The following ZNF282 variants were observed in gnomAD, a reference collection of about 807,000 sequenced individuals.
ZNF282 encodes the protein HTLV-I U5 repressive element-binding protein 1.
ZNF282 carries 30 observed loss-of-function variants against 61.9 expected under a neutral mutation model. The ratio of observed to expected loss-of-function variants is 0.48; its 90% confidence interval spans 0.36 to 0.66. ZNF282 has a LOEUF of 0.66. ZNF282 is among the 30% of genes least tolerant of loss of function. The probability of loss-of-function intolerance (pLI) is 0.00; values close to 1 mark genes in which losing one functional copy is unlikely to be tolerated. For missense variants in ZNF282, 788 were observed against 941.4 expected (o/e 0.84, Z 2.13); for synonymous variants, 396 against 405.0 (o/e 0.98, Z 0.27).
chr7:149,204,365 A>G (rs1018877637), intron 2 of ZNF282, among the ~76,000 whole-genome samples: 2 of 152,184 alleles, frequency 1.3e-5, no homozygotes, highest in Admixed American at 1.3e-4. Context: ...TAAAGAATGC[A>G]TAGATGGTGA....
rs973104910 is a variant in ZNF282 at position 149,223,948 on chromosome 7, G to A, written c.1317G>A (p.Pro439=). The A allele has an allele frequency of 2.3e-6, 3 of 1,310,272 alleles. No individual in the cohort carries two copies. The highest frequency in any genetic ancestry group is 1.5e-5 in the African/African-American group (1 of 64,614). The allele number at this position is 1,310,272 out of a possible 1,614,324, so 81.2% of individuals were successfully genotyped here. A position where few individuals can be genotyped will look rare whatever the true frequency, so the allele number is the denominator to read the frequency against. ...CCCCCATCGCGGTGGCCGAGAACCC[G>A]GGCGGCCCCCCGAGCCGAGGGCTGC... is the stretch of plus-strand genomic sequence containing the variant. ...SLPPIAVAEN[P]GGPPSRGLLD... Residue 439 remains proline, a synonymous_variant, in exon 8 of 8, where the codon CCG becomes CCA. Coordinates refer to ENST00000610704, the MANE Select transcript of ZNF282 (RefSeq NM_003575.4).
chr7:149,224,000 G>C lies in ZNF282; in HGVS notation c.1369G>C (p.Gly457Arg). ...GGACGACGGTTTCCAGGTGCTGCCC[G>C]GGGAGCGTGGCTCCGGCGAGGCGCC... is the stretch of plus-strand genomic sequence containing the variant. ...LLDDGFQVLP[G>R]ERGSGEAPPG... Residue 457 changes from glycine (G) to arginine (R), a missense_variant, in exon 8 of 8, where the codon GGG becomes CGG. This residue lies in a region of ZNF282 where 559 missense variants were observed against 642.0 expected (regional missense o/e 0.87). Transcript: ENST00000610704. The C allele has an allele frequency of 8.0e-7, 1 of 1,244,260 alleles. No homozygotes were observed. Among genetic ancestry groups the C allele is most frequent in the Non-Finnish European group, 1.0e-6 (1 of 993,882 alleles). The allele number at this position is 1,244,260 out of a possible 1,614,324, so 77.1% of individuals were successfully genotyped here.
In ZNF282 at chr7:149,210,705, G is replaced by A. The variant is rs777201885; in HGVS notation, c.952+1G>A. On this transcript the variant is annotated splice_donor_variant, in intron 5 of 7. Transcript: ENST00000610704. LOFTEE classifies it high-confidence loss of function. ...GCCATCCCTACGGAATCCATTACCG[G>A]TGAGTGAGCCAAGCAGCCGTCCACA... 1.3e-6 allele frequency: 2 copies of A among 1,587,112 alleles called. No individual in the cohort carries two copies. Among genetic ancestry groups the A allele is most frequent in the Non-Finnish European group, 1.7e-6 (2 of 1,167,442 alleles).
intron 1 of ZNF282, among the ~76,000 whole-genome samples, chr7:149,197,547 A>G (rs2129522959): frequency 6.6e-6 from 1 of 152,222 alleles, no homozygotes; most frequent in East Asian, 1.9e-4. Context: ...ATCTCGGCTC[A>G]CTGCAACCTC....
chr7:149,210,551 A>G (rs777295368), intron 4 of ZNF282, 34 bp from the exon 5 acceptor site: 1 of 1,603,104 alleles, frequency 6.2e-7, no homozygotes, highest in East Asian at 2.2e-5. Flanking sequence ...CTGCAGAAAA[A>G]AAGACACAAA....
intron 6 of ZNF282, 56 bp from the exon 7 acceptor site, chr7:149,213,644 TG>T: frequency 5.9e-6 from 8 of 1,358,958 alleles, no homozygotes; most frequent in Non-Finnish European, 8.3e-6. Flanking sequence ...AAACCTTTGA[TG>T]GGAGGCCGAG....
Position 149,195,751 on chromosome 7 carries a change from G to T in ZNF282, c.162G>T (p.Met54Ile), listed in dbSNP as rs1195575453. ...AAATGGCCGAGGGAATGCCGCCCAT[G>T]CAGGTGGGAGAACCCCGCCGGCGCC... The part of the protein sequence containing the change: ...RGEMAEGMPP[M>I]QAQEWDMDAR... The change falls in exon 1 of 8, where the codon ATG (methionine) becomes ATT (isoleucine). Residue 54 changes from methionine to isoleucine, a missense_variant. Transcript: ENST00000610704. The T allele has an allele frequency of 2.4e-5, 37 of 1,516,198 alleles. No homozygotes were observed. The highest frequency in any genetic ancestry group is 3.3e-5 in the Non-Finnish European group (37 of 1,133,332). The allele number at this position is 1,516,198 out of a possible 1,614,324, so 93.9% of individuals were successfully genotyped here.
chr7:149,210,986 A>T (rs368408497), intron 5 of ZNF282, among the ~76,000 whole-genome samples: 2 of 152,200 alleles, frequency 1.3e-5, no homozygotes, highest in African/African-American at 4.8e-5. Context: ...CTTCCCCTTT[A>T]GAAACAATAT....
intron 7 of ZNF282, among the ~76,000 whole-genome samples, chr7:149,215,544 G>A (rs1796149435): frequency 6.6e-6 from 1 of 152,138 alleles, no homozygotes; most frequent in African/African-American, 2.4e-5. Flanking sequence ...AAGAGCGGAG[G>A]ACATGGGTTG....
chr7:149,221,322 C>T (rs1042957827), intron 7 of ZNF282, among the ~76,000 whole-genome samples: 4 of 152,190 alleles, frequency 2.6e-5, no homozygotes, highest in African/African-American at 7.2e-5. Context: ...TTGCAAGTGC[C>T]TGGGCTGCCG....
At chr7:149,207,567 A>T in intron 4 of ZNF282, 97 bp downstream of exon 4, 9 of 1,505,008 alleles carry the variant, frequency 6.0e-6, no homozygotes, top group Non-Finnish European at 8.0e-6. Context: ...CTGTGTGTGC[A>T]CCATGGGGCG....
In ZNF282 at chr7:149,212,433, A is replaced by C; in HGVS notation, c.1028A>C (p.Asp343Ala). ...EEHQCVWDQQDLADRDIPTDP... is the reference protein window; with the variant it reads ...EEHQCVWDQQALADRDIPTDP... The stretch of plus-strand genomic sequence containing the variant: ...CATCAGTGCGTGTGGGATCAGCAGG[A>C]TTTGGCAGACAGAGATATTCCCACG... Residue 343 changes from aspartate (D) to alanine (A), a missense_variant, in exon 6 of 8, where the codon GAT (aspartate) becomes GCT (alanine). Physicochemically the swap from Asp to Ala is moderately radical, Grantham distance 126. Coordinates refer to ENST00000610704, the MANE Select transcript of ZNF282 (RefSeq NM_003575.4). 1.2e-6 allele frequency: 2 copies of C among 1,613,290 alleles called. No homozygotes were observed. Among genetic ancestry groups the C allele is most frequent in the Non-Finnish European group, 1.7e-6 (2 of 1,179,688 alleles).
At chr7:149,222,868 G>A (rs541461260) in intron 7 of ZNF282, among the ~76,000 whole-genome samples, 3 of 152,090 alleles carry the variant, frequency 2.0e-5, no homozygotes, top group Admixed American at 6.6e-5. Context: ...GGATGGTCTC[G>A]ATCTCTTGAC....
At chr7:149,203,670 T>C (rs1795948800) in intron 2 of ZNF282, among the ~76,000 whole-genome samples, 1 of 152,222 alleles carries the variant, frequency 6.6e-6, no homozygotes, top group Non-Finnish European at 1.5e-5. Flanking sequence ...TTGTACTGAT[T>C]TTCCTATCAT....
intron 7 of ZNF282, among the ~76,000 whole-genome samples, chr7:149,220,563 G>A (rs1007702596): frequency 6.6e-6 from 1 of 152,154 alleles, no homozygotes; most frequent in Non-Finnish European, 1.5e-5. Flanking sequence ...CCTCGGTGTG[G>A]CTTCATCCCC....
intron 2 of ZNF282, 67 bp from the exon 3 acceptor site, chr7:149,206,629 G>C: frequency 6.2e-7 from 1 of 1,604,920 alleles, no homozygotes; most frequent in Non-Finnish European, 8.5e-7. Flanking sequence ...CTTGTGGCCC[G>C]CAGGAGAAGG....
intron 7 of ZNF282, among the ~76,000 whole-genome samples, chr7:149,223,109 G>A (rs1279299579): frequency 1.3e-5 from 2 of 152,026 alleles, no homozygotes; most frequent in African/African-American, 4.8e-5. Flanking sequence ...TGAGTAGCTG[G>A]GATTACATGC....
chr7:149,222,278 G>A (rs1796268044), intron 7 of ZNF282, among the ~76,000 whole-genome samples: 1 of 152,238 alleles, frequency 6.6e-6, no homozygotes, highest in Non-Finnish European at 1.5e-5. Context: ...TGCTGCCAAG[G>A]TCCAGGTGGG....
intron 5 of ZNF282, 124 bp from the exon 6 acceptor site, chr7:149,212,234 G>A (rs1232010653): frequency 3.1e-6 from 2 of 641,690 alleles, no homozygotes; most frequent in African/African-American, 3.7e-5. Context: ...TGAGACTTAT[G>A]TAATTGTACC....
Sources: allele counts gnomAD v4.1 joint callset (sites outside exome capture counted in the v4.1 genomes callset), GRCh38; gene constraint gnomAD v4.1.1; regional missense constraint gnomAD v4.1.1; transcripts MANE v1.5; gene names NCBI Gene and HGNC (gene_info 2026-07-23, HGNC 2026-07-21).